The following PARD3 variants were observed in gnomAD, a reference collection of about 807,000 sequenced individuals.
The protein encoded by PARD3 is partitioning defective 3 homolog.
In PARD3, 75 loss-of-function variants were observed where a neutral mutation model predicts 155.4. The observed-to-expected ratio is 0.48, with a 90% CI of 0.40 to 0.58. The LOEUF is 0.58. Ranked by LOEUF, PARD3 falls within the 20% of genes least tolerant of loss-of-function variation. PARD3 has a pLI of 0.00. For missense variants in PARD3, 1,642 were observed against 1,721.7 expected, an observed-to-expected ratio of 0.95 and a Z score of 0.82; for synonymous variants, 576 against 610.5, an observed-to-expected ratio of 0.94 and a Z score of 0.83.
chr10:34,585,501 A>G (rs2087925906), intron 2 of PARD3, among the ~76,000 whole-genome samples: 1 of 152,042 alleles, frequency 6.6e-6, no homozygotes, highest in South Asian at 2.1e-4. Context: ...TTCTAGTACT[A>G]AGGCTCACCA....
Position 34,642,558 on chromosome 10 carries a change from T to C in PARD3, c.222+53760A>G, listed in dbSNP as rs186258472. On this transcript the variant is annotated intron_variant, in intron 2 of 24. Coordinates refer to ENST00000374788, the MANE Select transcript of PARD3 (RefSeq NM_001184785.2). ...CTCCTAAGCCCCTAGTTTGATTACC[T>C]GCACAAACTGCAATTTGAATGCCAC... Among the ~76,000 whole-genome samples the C allele has an allele frequency of 1.2e-3, 184 of 152,216 alleles. 1 individual carries two copies. The highest frequency in any genetic ancestry group is 9.4e-3 in the Admixed American group (144 of 15,298).
At chr10:34,140,613 G>A (rs1392306054) in intron 22 of PARD3, among the ~76,000 whole-genome samples, 1 of 152,188 alleles carries the variant, frequency 6.6e-6, no homozygotes, top group Non-Finnish European at 1.5e-5. Flanking sequence ...AGACTTATGA[G>A]GAATGGAGGA....
chr10:34,212,823 G>A (rs761976297), intron 22 of PARD3, among the ~76,000 whole-genome samples: 6 of 152,090 alleles, frequency 3.9e-5, no homozygotes, highest in Non-Finnish European at 8.8e-5. Context: ...CAGTTCAGAG[G>A]CCTTGCAAAC....
chr10:34,518,257 T>C (rs1483993210), intron 2 of PARD3, among the ~76,000 whole-genome samples: 1 of 152,222 alleles, frequency 6.6e-6, no homozygotes, highest in Non-Finnish European at 1.5e-5. Flanking sequence ...TGTTAATGAA[T>C]GTGTGAGTAT....
chr10:34,307,111 C>T (rs1370030020), intron 20 of PARD3, among the ~76,000 whole-genome samples: 2 of 151,954 alleles, frequency 1.3e-5, no homozygotes, highest in Non-Finnish European at 2.9e-5. Context: ...AGGATGGTCT[C>T]GATCTCCTGA....
chr10:34,704,771 T>G (rs2094338003), intron 1 of PARD3, among the ~76,000 whole-genome samples: 1 of 152,194 alleles, frequency 6.6e-6, no homozygotes, highest in African/African-American at 2.4e-5. Flanking sequence ...GAAACAAGTT[T>G]GAAAAGTCCT....
chr10:34,699,790 C>T (rs1330192996), intron 1 of PARD3, among the ~76,000 whole-genome samples: 1 of 152,044 alleles, frequency 6.6e-6, no homozygotes, highest in Non-Finnish European at 1.5e-5. Flanking sequence ...CAGGGGGATC[C>T]CTTGAGCACA....
At chr10:34,539,238 C>T (rs889434619) in intron 2 of PARD3, among the ~76,000 whole-genome samples, 1 of 152,190 alleles carries the variant, frequency 6.6e-6, no homozygotes, top group East Asian at 1.9e-4. Context: ...CTCCCAGATG[C>T]TGGAGCCAGT....
intron 2 of PARD3, among the ~76,000 whole-genome samples, chr10:34,569,845 A>T (rs1014911907): frequency 3.3e-5 from 5 of 152,042 alleles, no homozygotes; most frequent in Non-Finnish European, 4.4e-5. Flanking sequence ...AAGATTAAAG[A>T]ATGAAGATTA....
At chr10:34,167,603 T>C (rs10508797) in intron 22 of PARD3, among the ~76,000 whole-genome samples, 13,742 of 150,414 alleles carry the variant, frequency 0.091, 1,376 homozygotes, top group African/African-American at 0.25. Context: ...TTTAGGTATA[T>C]GTAAGGAAGA....
At chr10:34,648,952 T>C in intron 2 of PARD3, among the ~76,000 whole-genome samples, 1 of 152,084 alleles carries the variant, frequency 6.6e-6, no homozygotes. Context: ...AGGGACACCA[T>C]CATCATCAGT....
At chr10:34,616,357 C>T (rs956362632) in intron 2 of PARD3, among the ~76,000 whole-genome samples, 1 of 152,056 alleles carries the variant, frequency 6.6e-6, no homozygotes, top group African/African-American at 2.4e-5. Flanking sequence ...AACAATCATA[C>T]ATCCAGCAAC....
At position 34,148,486 on chromosome 10, in the gene PARD3, T is replaced by G. The variant is rs1948627013; in HGVS notation, c.3420-16903A>C. ...ACATTATGTTACAACAGACCTCCAC[T>G]GACATTTCATTTTGTCACCACAACA... On this transcript the variant is annotated intron_variant, in intron 22 of 24. Transcript: ENST00000374788. 2.0e-5 allele frequency among the ~76,000 whole-genome samples: 3 copies of G among 152,194 alleles called. No homozygotes were observed. The South Asian group carries it at 6.2e-4, about 32-fold the overall frequency.
chr10:34,133,139 G>T (rs1231342058), intron 22 of PARD3, among the ~76,000 whole-genome samples: 1 of 152,104 alleles, frequency 6.6e-6, no homozygotes, highest in Non-Finnish European at 1.5e-5. Flanking sequence ...CCAGACAAGG[G>T]CCTGGGTACC....
At chr10:34,480,803 T>C (rs1346340298) in intron 3 of PARD3, among the ~76,000 whole-genome samples, 2 of 149,290 alleles carry the variant, frequency 1.3e-5, no homozygotes, top group African/African-American at 4.9e-5. Context: ...TCTTTTTTTT[T>C]TTTTTTTTTT....
In PARD3 at chr10:34,623,498, TG is replaced by T. The variant is rs1233805088; in HGVS notation, c.222+72819del. 6.6e-5 allele frequency among the ~76,000 whole-genome samples: 10 copies of T among 152,342 alleles called. No individual in the cohort carries two copies. The South Asian group carries it at 1.2e-3, about 19-fold the overall frequency. On this transcript the variant is annotated intron_variant, in intron 2 of 24. Transcript: ENST00000374788. Reference sequence around the variant, plus strand: ...ACAAAGCATCTCTATTTAAAACCTCTGGATCAGAGTGTTTTACTGTCTTAAT... The same window carrying T: ...ACAAAGCATCTCTATTTAAAACCTCTGATCAGAGTGTTTTACTGTCTTAAT...
chr10:34,681,724 TGTA>T (rs2093825452), intron 2 of PARD3, among the ~76,000 whole-genome samples: 5 of 123,306 alleles, frequency 4.1e-5, no homozygotes, highest in Admixed American at 3.7e-4. Context: ...ATTTTACGTA[TGTA>T]TTTTATATAT....
intron 2 of PARD3, among the ~76,000 whole-genome samples, chr10:34,529,982 G>A (rs1459488232): frequency 6.6e-6 from 1 of 152,090 alleles, no homozygotes; most frequent in African/African-American, 2.4e-5. Flanking sequence ...TGATCCTCCT[G>A]CCTCAGCCTC....
chr10:34,546,300 A>G (rs553956141), intron 2 of PARD3, among the ~76,000 whole-genome samples: 1 of 151,908 alleles, frequency 6.6e-6, no homozygotes, highest in Non-Finnish European at 1.5e-5. Flanking sequence ...GGTGAATCAC[A>G]ATGTCAGGGG....
Sources: allele counts gnomAD v4.1 joint callset (sites outside exome capture counted in the v4.1 genomes callset), GRCh38; gene constraint gnomAD v4.1.1; transcripts MANE v1.5; gene names NCBI Gene and HGNC (gene_info 2026-07-23, HGNC 2026-07-21).